Variants in CSMD1 observed in about 807,000 individuals in gnomAD.
CSMD1 encodes the protein CUB and sushi domain-containing protein 1.
A neutral mutation model predicts 417.5 loss-of-function variants in CSMD1; 213 were observed. The observed-to-expected ratio is 0.51, with a 90% CI of 0.46 to 0.57. CSMD1 has a LOEUF of 0.57. Ranked by LOEUF, CSMD1 falls within the 20% of genes least tolerant of loss-of-function variation. The pLI is 0.00. For synonymous variants in CSMD1, 2,862 were observed against 1,736.8 expected (o/e 1.65, Z -16.11); for missense variants, 6,923 against 4,529.7 (o/e 1.53, Z -15.17).
intron 3 of CSMD1, among the ~76,000 whole-genome samples, chr8:4,193,895 C>A (rs546614455): frequency 6.6e-6 from 1 of 151,700 alleles, no homozygotes; most frequent in Admixed American, 6.6e-5. Flanking sequence ...GCCACCTCCA[C>A]GAAGGAAAGC....
intron 2 of CSMD1, among the ~76,000 whole-genome samples, chr8:4,464,468 A>G (rs1263731390): frequency 1.3e-5 from 2 of 152,242 alleles, no homozygotes. Context: ...CAGCTGGGAA[A>G]ACCACCTAAG....
At chr8:4,205,404 A>G (rs1007817141) in intron 3 of CSMD1, among the ~76,000 whole-genome samples, 1 of 152,220 alleles carries the variant, frequency 6.6e-6, no homozygotes, top group Admixed American at 6.5e-5. Flanking sequence ...CATGTGCCTC[A>G]TCTCTTTTTA....
intron 5 of CSMD1, among the ~76,000 whole-genome samples, chr8:3,802,055 C>A (rs1307910146): frequency 1.3e-5 from 2 of 152,042 alleles, no homozygotes; most frequent in Non-Finnish European, 2.9e-5. Flanking sequence ...CATGGAATTG[C>A]ACACTTTATG....
At chr8:4,520,782 T>G (rs1403627138) in intron 2 of CSMD1, among the ~76,000 whole-genome samples, 1 of 152,214 alleles carries the variant, frequency 6.6e-6, no homozygotes, top group African/African-American at 2.4e-5. Context: ...TATAGATTAT[T>G]GCAATGAAAA....
In CSMD1 at chr8:4,786,533, G is replaced by T. The variant is rs143170895; in HGVS notation, c.86-148975C>A. ...GTAAATTGGTGGTTGGTAGTTTTCTGCTTTTAGACAAGATGCTTATATTTA... is the reference window on the plus strand; with the variant it reads ...GTAAATTGGTGGTTGGTAGTTTTCTTCTTTTAGACAAGATGCTTATATTTA... On this transcript the variant is annotated intron_variant, in intron 1 of 69. Transcript: ENST00000635120. Among the ~76,000 whole-genome samples the T allele has an allele frequency of 1.6e-3, 249 of 152,264 alleles. 1 individual carries two copies. Among genetic ancestry groups the T allele is most frequent in the Non-Finnish European group, 2.7e-3 (185 of 68,014 alleles).
chr8:4,965,244 T>C (rs1809782749), intron 1 of CSMD1, among the ~76,000 whole-genome samples: 1 of 152,214 alleles, frequency 6.6e-6, no homozygotes, highest in South Asian at 2.1e-4. Context: ...ATTTTAAAAA[T>C]GTTCCCATTG....
rs1472466836 is a variant in CSMD1, at chr8:3,359,328, T to C, written c.3128A>G (p.Glu1043Gly). 1 of 1,613,036 alleles carries C rather than the reference T, an allele frequency of 6.2e-7. No individual in the cohort carries two copies. Among genetic ancestry groups the C allele is most frequent in the Non-Finnish European group, 8.5e-7 (1 of 1,179,718 alleles). Reference protein sequence around the residue: ...FNITFSEYDLEPCDDPGVPAF... With the variant: ...FNITFSEYDLGPCDDPGVPAF... ...AGGGACTCCAGGATCATCACATGGC[T>C]CCAGGTCATATTCTGAGGCATGCAG... The change falls in exon 21 of 70, where the codon GAG becomes GGG. Residue 1043 changes from glutamate to glycine, a missense_variant. Glu to Gly is a moderately conservative substitution (Grantham distance 98). Coordinates refer to ENST00000635120, the MANE Select transcript of CSMD1 (RefSeq NM_033225.6).
chr8:3,543,325 GAA>G (rs1259216630), intron 10 of CSMD1, among the ~76,000 whole-genome samples: 2 of 152,192 alleles, frequency 1.3e-5, no homozygotes, highest in African/African-American at 4.8e-5. Context: ...GGAGTGAGGT[GAA>G]AAGTCACTGG....
At chr8:3,755,384 C>T (rs556842378) in intron 5 of CSMD1, among the ~76,000 whole-genome samples, 1 of 152,200 alleles carries the variant, frequency 6.6e-6, no homozygotes, top group African/African-American at 2.4e-5. Flanking sequence ...TCTCCATGTG[C>T]TCTACAAGTG....
At chr8:4,783,489 G>C (rs776798034) in intron 1 of CSMD1, among the ~76,000 whole-genome samples, 4 of 152,174 alleles carry the variant, frequency 2.6e-5, no homozygotes, top group Non-Finnish European at 5.9e-5. Context: ...TAAACCGGAA[G>C]TATTGTCATT....
intron 7 of CSMD1, among the ~76,000 whole-genome samples, chr8:3,704,217 G>T (rs1051079105): frequency 6.6e-6 from 1 of 152,174 alleles, no homozygotes; most frequent in Non-Finnish European, 1.5e-5. Context: ...CACAGCTACA[G>T]GCAAAAATAG....
At chr8:3,730,413 G>A (rs1386734841) in intron 6 of CSMD1, among the ~76,000 whole-genome samples, 1 of 143,942 alleles carries the variant, frequency 6.9e-6, no homozygotes, top group East Asian at 2.1e-4. Context: ...CCACTGAGCT[G>A]GGATAGAGCA....
chr8:3,970,861 C>A (rs566030004), intron 5 of CSMD1, among the ~76,000 whole-genome samples: 1 of 152,134 alleles, frequency 6.6e-6, no homozygotes, highest in African/African-American at 2.4e-5. Context: ...ACGCCATTCT[C>A]CTGCCTCAGC....
intron 1 of CSMD1, among the ~76,000 whole-genome samples, chr8:4,770,229 A>C (rs1326075773): frequency 6.7e-6 from 1 of 148,612 alleles, no homozygotes; most frequent in Non-Finnish European, 1.5e-5. Context: ...ATATTCCTAT[A>C]TACATATTCA....
chr8:4,437,577 G>A (rs897605313), intron 2 of CSMD1, among the ~76,000 whole-genome samples: 1 of 152,160 alleles, frequency 6.6e-6, no homozygotes, highest in Non-Finnish European at 1.5e-5. Context: ...CAGACTATCA[G>A]GTTTAAAATG....
intron 2 of CSMD1, among the ~76,000 whole-genome samples, chr8:4,478,284 G>C (rs1800907643): frequency 6.6e-6 from 1 of 152,084 alleles, no homozygotes; most frequent in African/African-American, 2.4e-5. Flanking sequence ...GTTGAAAATA[G>C]TAAAAAGCAA....
intron 10 of CSMD1, among the ~76,000 whole-genome samples, chr8:3,512,142 T>TA (rs2117401353): frequency 6.6e-6 from 1 of 152,292 alleles, no homozygotes; most frequent in African/African-American, 2.4e-5. Flanking sequence ...ACCACGCTCA[T>TA]AGCACCAAAC....
At chr8:4,841,392 C>A (rs533452786) in intron 1 of CSMD1, among the ~76,000 whole-genome samples, 8 of 152,160 alleles carry the variant, frequency 5.3e-5, no homozygotes, top group South Asian at 2.1e-4. Flanking sequence ...AGGGACCACA[C>A]CTTTTCTGCC....
chr8:4,800,065 T>C (rs570578692), intron 1 of CSMD1, among the ~76,000 whole-genome samples: 1 of 152,334 alleles, frequency 6.6e-6, no homozygotes, highest in South Asian at 2.1e-4. Flanking sequence ...AAAATTTGAA[T>C]GATATAAAAT....
Sources: gnomAD v4.1 joint callset for allele counts (sites outside exome capture counted in the v4.1 genomes callset) on GRCh38, gnomAD v4.1.1 for gene constraint, MANE v1.5 for transcripts, NCBI Gene and HGNC (gene_info 2026-07-23, HGNC 2026-07-21) for gene names.